MACROD2: variants seen among roughly 807,000 people sequenced by gnomAD.
The protein encoded by MACROD2 is ADP-ribose glycohydrolase MACROD2.
In MACROD2, 36 loss-of-function variants were observed where a neutral mutation model predicts 70.4. That is an observed-to-expected ratio of 0.51 (90% CI 0.39 to 0.68). The LOEUF is 0.68. Ranked by LOEUF, MACROD2 falls within the 30% of genes least tolerant of loss-of-function variation. The pLI, the probability that MACROD2 is intolerant of heterozygous loss-of-function variation, is 0.00. For missense variants in MACROD2, 496 were observed against 538.4 expected, an observed-to-expected ratio of 0.92 and a Z score of 0.78; for synonymous variants, 172 against 178.8, an observed-to-expected ratio of 0.96 and a Z score of 0.30.
chr20:14,081,761 T>G (rs993375254), intron 2 of MACROD2, among the ~76,000 whole-genome samples: 5 of 152,190 alleles, frequency 3.3e-5, no homozygotes, highest in African/African-American at 1.2e-4. Context: ...CTTCATTAGG[T>G]TTTGATTTAC....
At chr20:15,083,365 C>T (rs1216597013) in intron 5 of MACROD2, among the ~76,000 whole-genome samples, 1 of 152,140 alleles carries the variant, frequency 6.6e-6, no homozygotes, top group Non-Finnish European at 1.5e-5. Flanking sequence ...ACCAATCATT[C>T]CCTATTTTAT....
intron 5 of MACROD2, among the ~76,000 whole-genome samples, chr20:15,167,809 A>G (rs1285911776): frequency 6.6e-6 from 1 of 152,190 alleles, no homozygotes. Flanking sequence ...GAGTAGAGAT[A>G]TTGAAGTAAA....
chr20:15,879,326 C>A (rs2064720083), intron 9 of MACROD2, among the ~76,000 whole-genome samples: 1 of 152,002 alleles, frequency 6.6e-6, no homozygotes, highest in Admixed American at 6.6e-5. Flanking sequence ...TAGACTATCA[C>A]CTTTTTTTAA....
intron 5 of MACROD2, among the ~76,000 whole-genome samples, chr20:14,901,352 G>A (rs6042985): frequency 0.91 from 138,047 of 152,074 alleles, 62,832 homozygotes; most frequent in East Asian, 1. Flanking sequence ...TGGTAAAAGG[G>A]AACTTAATGA....
At chr20:15,677,823 C>T (rs948379258) in intron 8 of MACROD2, among the ~76,000 whole-genome samples, 2 of 152,108 alleles carry the variant, frequency 1.3e-5, no homozygotes, top group Admixed American at 6.6e-5. Flanking sequence ...AATCCCAGCA[C>T]TTGGGGAGGC....
intron 4 of MACROD2, among the ~76,000 whole-genome samples, chr20:14,548,806 A>G (rs909040228): frequency 2.0e-5 from 3 of 151,936 alleles, no homozygotes; most frequent in African/African-American, 7.3e-5. Flanking sequence ...GATCCCTGGA[A>G]GTATTAAATG....
At chr20:15,017,059 A>G (rs1446170259) in intron 5 of MACROD2, among the ~76,000 whole-genome samples, 1 of 152,142 alleles carries the variant, frequency 6.6e-6, no homozygotes, top group Non-Finnish European at 1.5e-5. Flanking sequence ...GCAGTCCTCC[A>G]AAGTCTTAGC....
At chr20:14,290,694 A>G (rs2082379190) in intron 3 of MACROD2, among the ~76,000 whole-genome samples, 1 of 152,118 alleles carries the variant, frequency 6.6e-6, no homozygotes, top group African/African-American at 2.4e-5. Flanking sequence ...TTTTTAGTAT[A>G]CACAGGGTTT....
chr20:14,359,078 C>T (rs2083198805), intron 3 of MACROD2, among the ~76,000 whole-genome samples: 1 of 152,080 alleles, frequency 6.6e-6, no homozygotes, highest in Non-Finnish European at 1.5e-5. Flanking sequence ...GTCCCAGCTA[C>T]TTGGCAGGTT....
chr20:14,435,297 A>C (rs920896219), intron 3 of MACROD2, among the ~76,000 whole-genome samples: 3 of 152,142 alleles, frequency 2.0e-5, no homozygotes, highest in Non-Finnish European at 1.5e-5. Flanking sequence ...AATTGTCATT[A>C]GATTTAGAAC....
intron 3 of MACROD2, among the ~76,000 whole-genome samples, chr20:14,354,758 C>T (rs2083157180): frequency 6.6e-6 from 1 of 152,182 alleles, no homozygotes; most frequent in South Asian, 2.1e-4. Flanking sequence ...GTTCCCCTCT[C>T]TCCCTTCCTT....
At chr20:15,241,924 T>C (rs1193719230) in intron 6 of MACROD2, among the ~76,000 whole-genome samples, 1 of 152,192 alleles carries the variant, frequency 6.6e-6, no homozygotes, top group Admixed American at 6.5e-5. Context: ...TAGAACCAAT[T>C]CTCCATTAGG....
intron 5 of MACROD2, among the ~76,000 whole-genome samples, chr20:15,088,062 G>A (rs1601054028): frequency 6.6e-6 from 1 of 151,808 alleles, no homozygotes; most frequent in South Asian, 2.1e-4. Context: ...CATTTTTAAA[G>A]GGAAAGTGAA....
chr20:15,613,399 G>A (rs952611143), intron 8 of MACROD2, among the ~76,000 whole-genome samples: 4 of 152,048 alleles, frequency 2.6e-5, no homozygotes, highest in South Asian at 4.2e-4. Context: ...AACTTATTTC[G>A]GTGCCTGTCC....
At chr20:15,096,341 G>A (rs1231839906) in intron 5 of MACROD2, among the ~76,000 whole-genome samples, 1 of 151,868 alleles carries the variant, frequency 6.6e-6, no homozygotes, top group African/African-American at 2.4e-5. Context: ...ATGGGCTTTG[G>A]TGCAAGCAGT....
intron 5 of MACROD2, among the ~76,000 whole-genome samples, chr20:15,161,312 A>G (rs959479209): frequency 1.3e-5 from 2 of 151,372 alleles, no homozygotes; most frequent in African/African-American, 4.8e-5. Flanking sequence ...TTATTATAGT[A>G]CGATAATTTG....
rs576879675 is a variant in MACROD2, at chr20:15,007,067, A to G, written c.419-222873A>G. The stretch of plus-strand genomic sequence containing the variant: ...CCCCTGTAGAGGACTGGGGGAAACC[A>G]TAAAAACCCAGGAGAGGCCGGGCGC... On this transcript the variant is annotated intron_variant, in intron 5 of 17. Coordinates refer to ENST00000684519, the MANE Select transcript of MACROD2 (RefSeq NM_001351661.2). Among the ~76,000 whole-genome samples the G allele has an allele frequency of 5.1e-4, 77 of 151,700 alleles. 1 individual carries two copies. The highest frequency in any genetic ancestry group is 1.5e-4 in the Non-Finnish European group (10 of 68,030).
At chr20:14,906,494 C>CAAAAG (rs1397847067) in intron 5 of MACROD2, among the ~76,000 whole-genome samples, 3 of 151,464 alleles carry the variant, frequency 2.0e-5, no homozygotes, top group Non-Finnish European at 4.4e-5. Flanking sequence ...ACTCAGTCAC[C>CAAAAG]AAAAGAAAAG....
intron 1 of MACROD2, among the ~76,000 whole-genome samples, chr20:13,996,743 T>C (rs535184737): frequency 1.3e-5 from 2 of 152,324 alleles, no homozygotes; most frequent in Non-Finnish European, 2.9e-5. Context: ...TCACACCTCT[T>C]TCCTTTTCAT....
Sources: allele counts gnomAD v4.1 joint callset (sites outside exome capture counted in the v4.1 genomes callset), GRCh38; gene constraint gnomAD v4.1.1; transcripts MANE v1.5; gene names NCBI Gene and HGNC (gene_info 2026-07-23, HGNC 2026-07-21).